The following TGFA variants were observed in gnomAD, a reference collection of about 807,000 sequenced individuals.
TGFA encodes the protein protransforming growth factor alpha.
Under a neutral mutation model 21.7 loss-of-function variants are expected in TGFA, and 12 were observed. The observed-to-expected ratio is 0.55, with a 90% CI of 0.35 to 0.90. The LOEUF (loss-of-function observed/expected upper bound fraction) is 0.90, where lower values mean the gene tolerates loss of function less well. TGFA is among the 40% of genes least tolerant of loss of function. The pLI is 0.01. For missense variants in TGFA, 178 were observed against 210.8 expected (o/e 0.84, Z 0.96); for synonymous variants, 79 against 88.1 (o/e 0.90, Z 0.58).
intron 1 of TGFA, among the ~76,000 whole-genome samples, chr2:70,534,632 C>A (rs1672918899): frequency 6.6e-6 from 1 of 152,144 alleles, no homozygotes; most frequent in African/African-American, 2.4e-5. Flanking sequence ...TAGCATGCCT[C>A]TTGTGATCAT....
At chr2:70,453,418 TCCAGCTCTAAA>T (rs1670124691) in intron 4 of TGFA, 91 bp from the exon 5 acceptor site, 5 of 1,185,020 alleles carry the variant, frequency 4.2e-6, no homozygotes, top group South Asian at 2.8e-5. Flanking sequence ...GCTGGGCAGC[TCCAGCTCTAAA>T]CCAGCTCCAA....
intron 2 of TGFA, among the ~76,000 whole-genome samples, chr2:70,513,924 C>T (rs78591748): frequency 0.026 from 3,910 of 152,216 alleles, 178 homozygotes; most frequent in African/African-American, 0.09. Flanking sequence ...GAAATCAGCA[C>T]CATTCACTCG....
At chr2:70,452,407 T>A (rs1411823877) in intron 5 of TGFA, among the ~76,000 whole-genome samples, 1 of 152,150 alleles carries the variant, frequency 6.6e-6, no homozygotes, top group Non-Finnish European at 1.5e-5. Context: ...TCTTCATGGA[T>A]GTTGGCGAAA....
intron 1 of TGFA, among the ~76,000 whole-genome samples, chr2:70,543,993 GTCAA>G (rs1673214498): frequency 6.6e-6 from 1 of 152,052 alleles, no homozygotes. Context: ...ACATAATTGA[GTCAA>G]TCAATGTCCT....
intron 2 of TGFA, among the ~76,000 whole-genome samples, chr2:70,512,738 C>T (rs1010586387): frequency 1.3e-5 from 2 of 152,208 alleles, no homozygotes; most frequent in African/African-American, 4.8e-5. Flanking sequence ...GGGGAACAGG[C>T]TCCAGGGCGA....
At chr2:70,547,117 G>A (rs1247257471) in intron 1 of TGFA, among the ~76,000 whole-genome samples, 2 of 152,234 alleles carry the variant, frequency 1.3e-5, no homozygotes, top group African/African-American at 2.4e-5. Flanking sequence ...CTATTGCCAC[G>A]CTGACTTTTA....
chr2:70,532,029 T>C (rs428225), intron 1 of TGFA, among the ~76,000 whole-genome samples: 64,105 of 151,984 alleles, frequency 0.42, 14,580 homozygotes, highest in African/African-American at 0.61. Flanking sequence ...TGGATTCTTT[T>C]CCCCCCAGTA....
At chr2:70,517,920 C>T (rs1443470340) in intron 1 of TGFA, among the ~76,000 whole-genome samples, 1 of 152,252 alleles carries the variant, frequency 6.6e-6, no homozygotes, top group Non-Finnish European at 1.5e-5. Flanking sequence ...AAGGTATGAG[C>T]ACCCAGGCTC....
chr2:70,470,253 G>A (rs1380195619), intron 2 of TGFA, among the ~76,000 whole-genome samples: 1 of 152,084 alleles, frequency 6.6e-6, no homozygotes, highest in East Asian at 1.9e-4. Context: ...ACAAAGGAAA[G>A]TAAGGGTAAG....
intron 2 of TGFA, among the ~76,000 whole-genome samples, chr2:70,483,016 A>C (rs1187159964): frequency 6.6e-6 from 1 of 152,230 alleles, no homozygotes; most frequent in Non-Finnish European, 1.5e-5. Flanking sequence ...CTTCATTTAA[A>C]GAGGTCACTG....
Position 70,448,338 on chromosome 2 carries a change from G to T in TGFA, c.*2521C>A, listed in dbSNP as rs1669949088. ...ATGTTTGTTATTTTTTTAAATGGGG[G>T]CTTTTCATTGTCTCCTGAGCCATTG... On this transcript the variant is annotated 3_prime_UTR_variant, in exon 6 of 6. Transcript: ENST00000295400. 6.6e-6 allele frequency: 1 copy of T among 152,156 alleles called. No individual in the cohort carries two copies. 9.4% of individuals were successfully genotyped at this position (152,156 alleles called of 1,614,324 possible).
At chr2:70,462,879 G>T (rs568047844) in intron 3 of TGFA, among the ~76,000 whole-genome samples, 104 of 152,216 alleles carry the variant, frequency 6.8e-4, no homozygotes, top group African/African-American at 2.5e-3. Context: ...CTGTAGCCCC[G>T]CACTTGGCCC....
intron 1 of TGFA, among the ~76,000 whole-genome samples, chr2:70,547,506 G>A (rs1327863056): frequency 6.7e-6 from 1 of 148,336 alleles, no homozygotes; most frequent in Non-Finnish European, 1.5e-5. Context: ...TCGTGCCACT[G>A]CACTCCAGCC....
chr2:70,550,103 G>A (rs1172574407), intron 1 of TGFA, among the ~76,000 whole-genome samples: 1 of 152,202 alleles, frequency 6.6e-6, no homozygotes. Flanking sequence ...CAGGGAAGGT[G>A]ATCTATTTCG....
At chr2:70,535,376 A>G (rs1479076224) in intron 1 of TGFA, among the ~76,000 whole-genome samples, 1 of 152,218 alleles carries the variant, frequency 6.6e-6, no homozygotes, top group Non-Finnish European at 1.5e-5. Flanking sequence ...ATACAGTTAA[A>G]TGTTTACTAA....
chr2:70,537,665 C>T (rs1673013022), intron 1 of TGFA, among the ~76,000 whole-genome samples: 1 of 152,164 alleles, frequency 6.6e-6, no homozygotes, highest in South Asian at 2.1e-4. Context: ...GCCCCTAGTT[C>T]TTTGATTCTG....
intron 3 of TGFA, among the ~76,000 whole-genome samples, chr2:70,459,935 C>G (rs974981537): frequency 2.0e-5 from 3 of 152,190 alleles, no homozygotes; most frequent in Non-Finnish European, 4.4e-5. Flanking sequence ...GACTCCAGGT[C>G]ATGACCTAGA....
chr2:70,521,468 C>T (rs1672456537), intron 1 of TGFA, among the ~76,000 whole-genome samples: 1 of 152,072 alleles, frequency 6.6e-6, no homozygotes, highest in Non-Finnish European at 1.5e-5. Flanking sequence ...ACTGTAAAAG[C>T]AGATAAAGAT....
At chr2:70,520,360 C>G (rs1379591350) in intron 1 of TGFA, among the ~76,000 whole-genome samples, 1 of 151,878 alleles carries the variant, frequency 6.6e-6, no homozygotes, top group Non-Finnish European at 1.5e-5. Context: ...ACTAAAAATA[C>G]AAAAATCAGC....
Sources: gnomAD v4.1 joint callset for allele counts (sites outside exome capture counted in the v4.1 genomes callset) on GRCh38, gnomAD v4.1.1 for gene constraint, MANE v1.5 for transcripts, NCBI Gene and HGNC (gene_info 2026-07-23, HGNC 2026-07-21) for gene names.